Variants in SYN3 observed in about 807,000 individuals in gnomAD.
SYN3 encodes the protein synapsin-3.
Under a neutral mutation model 65.8 loss-of-function variants are expected in SYN3, and 35 were observed. The observed-to-expected ratio is 0.53, with a 90% confidence interval of 0.41 to 0.70. The LOEUF (loss-of-function observed/expected upper bound fraction) is 0.70. Among genes scored for constraint, SYN3 ranks in the 30% least tolerant of loss-of-function variants. The probability of loss-of-function intolerance (pLI) is 0.00; values close to 1 mark genes in which losing one functional copy is unlikely to be tolerated. For missense variants in SYN3, 680 were observed against 749.0 expected, an observed-to-expected ratio of 0.91 and a Z score of 1.08; for synonymous variants, 270 against 292.9, an observed-to-expected ratio of 0.92 and a Z score of 0.80.
chr22:32,677,270 A>G (rs1267274761), intron 6 of SYN3, among the ~76,000 whole-genome samples: 1 of 150,792 alleles, frequency 6.6e-6, no homozygotes, highest in Non-Finnish European at 1.5e-5. Context: ...AGAAGCAGTG[A>G]TCCTCTATCC....
intron 4 of SYN3, among the ~76,000 whole-genome samples, chr22:32,923,383 G>T (rs1482670653): frequency 6.6e-6 from 1 of 152,186 alleles, no homozygotes; most frequent in Admixed American, 6.5e-5. Context: ...TGATTCCAAC[G>T]CTCTTCCAGA....
chr22:32,733,513 G>T (rs1282776483), intron 6 of SYN3, among the ~76,000 whole-genome samples: 2 of 152,204 alleles, frequency 1.3e-5, no homozygotes, highest in Non-Finnish European at 2.9e-5. Flanking sequence ...CAGGAGAGTG[G>T]TTCCTAGTAG....
intron 6 of SYN3, among the ~76,000 whole-genome samples, chr22:32,726,926 T>G (rs149082867): frequency 6.6e-6 from 1 of 151,584 alleles, no homozygotes; most frequent in Non-Finnish European, 1.5e-5. Context: ...TGCAGTCCCT[T>G]CCCTGTCTAG....
chr22:32,751,877 A>T (rs78165060), intron 6 of SYN3, among the ~76,000 whole-genome samples: 1 of 152,196 alleles, frequency 6.6e-6, no homozygotes, highest in Non-Finnish European at 1.5e-5. Context: ...TTTAGTGAGC[A>T]CTTACTATGT....
At chr22:32,824,953 A>T (rs1264706931) in intron 6 of SYN3, among the ~76,000 whole-genome samples, 1 of 152,166 alleles carries the variant, frequency 6.6e-6, no homozygotes, top group Non-Finnish European at 1.5e-5. Context: ...TTGAGCAGTG[A>T]CTTTATGACA....
At chr22:33,049,377 A>G (rs922199503) in intron 1 of SYN3, among the ~76,000 whole-genome samples, 2 of 152,196 alleles carry the variant, frequency 1.3e-5, no homozygotes, top group Non-Finnish European at 2.9e-5. Flanking sequence ...TTTTCTCCAA[A>G]TTCCACTGCT....
intron 7 of SYN3, among the ~76,000 whole-genome samples, chr22:32,558,484 C>G (rs146889894): frequency 0.014 from 2,107 of 152,332 alleles, 48 homozygotes; most frequent in African/African-American, 0.048. Context: ...GAATTCAGAA[C>G]CCCATGATCT....
At chr22:32,834,459 G>C (rs2047672520) in intron 6 of SYN3, among the ~76,000 whole-genome samples, 1 of 152,098 alleles carries the variant, frequency 6.6e-6, no homozygotes, top group African/African-American at 2.4e-5. Context: ...CACTGCACCC[G>C]GCCAAGCCCA....
rs544781641 is a variant in SYN3 at position 32,550,267 on chromosome 22, A to G, written c.775-8554T>C. Among the ~76,000 whole-genome samples, 3 of 152,170 alleles carry G rather than the reference A, an allele frequency of 2.0e-5. No homozygotes were observed. In the South Asian group the frequency reaches 6.2e-4, roughly 32 times the overall value. The stretch of plus-strand genomic sequence containing the variant: ...TACTTATAACCCACAGTATTATAAT[A>G]TACTTATTTGACTGTCCTTCACACT... On this transcript the variant is annotated intron_variant, in intron 7 of 13. Coordinates refer to ENST00000358763, the MANE Select transcript of SYN3 (RefSeq NM_003490.4).
intron 6 of SYN3, among the ~76,000 whole-genome samples, chr22:32,759,003 G>C (rs2045376420): frequency 6.6e-6 from 1 of 151,828 alleles, no homozygotes; most frequent in African/African-American, 2.4e-5. Context: ...GGAGGGTCCT[G>C]TCCCCATGGA....
At position 32,945,070 on chromosome 22, in the gene SYN3, T is replaced by C. The variant is rs1161871390; in HGVS notation, c.370-13589A>G. Among the ~76,000 whole-genome samples the C allele has an allele frequency of 2.0e-5, 3 of 152,216 alleles. No homozygotes were observed. In the East Asian group the frequency reaches 5.8e-4, roughly 29 times the overall value. On this transcript the variant is annotated intron_variant, in intron 3 of 13. Coordinates refer to ENST00000358763, the MANE Select transcript of SYN3 (RefSeq NM_003490.4). The stretch of plus-strand genomic sequence containing the variant: ...CACAAACAAATGGAAGAACATTCCA[T>C]GCTCATGGATAGGAAGAATCAATAT...
chr22:32,905,560 C>A (rs902505149), intron 4 of SYN3, among the ~76,000 whole-genome samples: 1 of 152,256 alleles, frequency 6.6e-6, no homozygotes, highest in African/African-American at 2.4e-5. Context: ...TTTGCTTTCA[C>A]ACTGCATTTG....
chr22:32,979,739 C>T (rs1418409245), intron 3 of SYN3, among the ~76,000 whole-genome samples: 1 of 152,144 alleles, frequency 6.6e-6, no homozygotes, highest in Admixed American at 6.5e-5. Context: ...CATGGACTAA[C>T]TCGTTTGATC....
Position 32,747,177 on chromosome 22 carries a change from C to T in SYN3, c.711+117738G>A, listed in dbSNP as rs114255693. On this transcript the variant is annotated intron_variant, in intron 6 of 13. Coordinates refer to ENST00000358763, the MANE Select transcript of SYN3 (RefSeq NM_003490.4). ...GGCTAAGTAGAGCAGTTCAATAGCA[C>T]GATTTTTCTTTTTCAGACAAGTCGG... 7.6e-3 allele frequency among the ~76,000 whole-genome samples: 1,163 copies of T among 152,278 alleles called. 18 individuals are homozygous for T. The highest frequency in any genetic ancestry group is 0.026 in the African/African-American group (1,100 of 41,552).
intron 6 of SYN3, among the ~76,000 whole-genome samples, chr22:32,640,760 C>T (rs992531142): frequency 4.0e-5 from 6 of 151,834 alleles, no homozygotes; most frequent in Non-Finnish European, 5.9e-5. Context: ...CCAGCTACTC[C>T]GGAAGCTGAG....
rs2059318011 is a variant in SYN3 at position 32,603,541 on chromosome 22, A to AAG, written c.712-6806_712-6805insCT. On this transcript the variant is annotated intron_variant, in intron 6 of 13. Transcript: ENST00000358763. ...AGACTCCGTCTCAAAAAAAAAGAAAAAAAAAAAAAAGAAAGAAAGAAAACA... is the reference window on the plus strand; with the variant it reads ...AGACTCCGTCTCAAAAAAAAAGAAAAAGAAAAAAAAAAGAAAGAAAGAAAACA... 2.0e-5 allele frequency among the ~76,000 whole-genome samples: 3 copies of AAG among 151,204 alleles called. No individual in the cohort carries two copies. In the South Asian group the frequency reaches 6.3e-4, roughly 32 times the overall value.
chr22:32,676,663 A>C (rs1397114147), intron 6 of SYN3, among the ~76,000 whole-genome samples: 1 of 146,034 alleles, frequency 6.8e-6, no homozygotes, highest in African/African-American at 2.5e-5. Flanking sequence ...TAGCCCCCCG[A>C]GTAGCTGGGA....
chr22:32,878,179 G>C (rs10483166), intron 4 of SYN3, among the ~76,000 whole-genome samples: 8,144 of 152,124 alleles, frequency 0.054, 269 homozygotes, highest in Middle Eastern at 0.085. Flanking sequence ...CCAACTCAAT[G>C]TGACTGGACC....
rs979195454 is a variant in SYN3 at position 32,773,131 on chromosome 22, G to A, written c.711+91784C>T. 5.3e-5 allele frequency among the ~76,000 whole-genome samples: 8 copies of A among 152,274 alleles called. 1 individual carries two copies. The highest frequency in any genetic ancestry group is 9.6e-5 in the African/African-American group (4 of 41,564). ...CCTGTCCAAAGAATGGAACAGTGTC[G>A]GGCGTGGTGGCTCATGGGTAATCCT... On this transcript the variant is annotated intron_variant, in intron 6 of 13. Coordinates refer to ENST00000358763, the MANE Select transcript of SYN3 (RefSeq NM_003490.4).
Sources: allele counts gnomAD v4.1 joint callset (sites outside exome capture counted in the v4.1 genomes callset), GRCh38; gene constraint gnomAD v4.1.1; transcripts MANE v1.5; gene names NCBI Gene and HGNC (gene_info 2026-07-23, HGNC 2026-07-21).